Variants in SLC36A4 observed in about 807,000 individuals in gnomAD.
SLC36A4 encodes the protein neutral amino acid uniporter 4.
A neutral mutation model predicts 50.5 loss-of-function variants in SLC36A4; 49 were observed. The ratio of observed to expected loss-of-function variants is 0.97; its 90% CI spans 0.77 to 1.23. The LOEUF (loss-of-function observed/expected upper bound fraction) is 1.23, where lower values mean the gene tolerates loss of function less well. Among genes scored for constraint, SLC36A4 ranks in the 50% most tolerant of loss-of-function variants. SLC36A4 has a pLI of 0.00. For synonymous variants in SLC36A4, 207 were observed against 206.5 expected (o/e 1.00, Z -0.02); for missense variants, 611 against 608.4 (o/e 1.00, Z -0.05).
rs1182595456 is a variant in SLC36A4 at position 93,197,818 on chromosome 11, C to T, written c.15G>A (p.Ala5=). Residue 5 remains alanine, a synonymous_variant, in exon 1 of 11, where the codon GCG becomes GCA. Transcript: ENST00000326402. MEAA[A]TPAAAGAARR... is the part of the protein sequence containing the mutation. ...TCGCCGCCCCGGCAGCCGCCGGCGT[C>T]GCCGCCGCTTCCATCTCTCGCGGGT... 1.3e-6 allele frequency: 2 copies of T among 1,579,046 alleles called. No homozygotes were observed. The highest frequency in any genetic ancestry group is 3.4e-5 in the Admixed American group (2 of 59,182).
rs757568613 is a variant in SLC36A4 at position 93,182,830 on chromosome 11, C to A, written c.335G>T (p.Arg112Leu). 1.2e-6 allele frequency: 2 copies of A among 1,611,494 alleles called. No individual in the cohort carries two copies. Among genetic ancestry groups the A allele is most frequent in the Non-Finnish European group, 1.7e-6 (2 of 1,178,752 alleles). Residue 112 changes from arginine to leucine, a missense_variant, in exon 4 of 11, where the codon CGT becomes CTT. Arg to Leu is a moderately radical substitution (Grantham distance 102). Coordinates refer to ENST00000326402, the MANE Select transcript of SLC36A4 (RefSeq NM_152313.4). ...ISVHCMHILV[R>L]CSHFLCLRFK... ...CCTCAGACATAGAAAGTGACTGCAA[C>A]GTACCAATATGTGCATACAGTGAAC... is the stretch of plus-strand genomic sequence containing the variant.
chr11:93,146,831 T>A lies in SLC36A4; in HGVS notation c.*1706A>T, dbSNP rs574114561. On this transcript the variant is annotated 3_prime_UTR_variant, in exon 11 of 11. Coordinates refer to ENST00000326402, the MANE Select transcript of SLC36A4 (RefSeq NM_152313.4). ...TTTTCCCCACTAACTGAGAGATTCTTTATCTTGGTTAATAACTTGAAAAAT... is the reference window on the plus strand; with the variant it reads ...TTTTCCCCACTAACTGAGAGATTCTATATCTTGGTTAATAACTTGAAAAAT... The A allele has an allele frequency of 6.6e-6, 1 of 152,104 alleles. No individual in the cohort carries two copies. Among genetic ancestry groups the A allele is most frequent in the Admixed American group, 6.6e-5 (1 of 15,254 alleles). 9.4% of individuals were successfully genotyped at this position (152,104 alleles called of 1,614,324 possible).
Position 93,174,813 on chromosome 11 carries a change from C to T in SLC36A4, c.540+5984G>A, listed in dbSNP as rs201717775. Among the ~76,000 whole-genome samples the T allele has an allele frequency of 2.4e-5, 3 of 125,088 alleles. 1 individual carries two copies. Among genetic ancestry groups the T allele is most frequent in the South Asian group, 6.7e-4 (2 of 2,970 alleles). 82.1% of individuals were successfully genotyped at this position (125,088 alleles called of 152,430 possible). On this transcript the variant is annotated intron_variant, in intron 6 of 10. Transcript: ENST00000326402. The stretch of plus-strand genomic sequence containing the variant: ...GGGTTGAAGCCCACTTGATCATGGT[C>T]GATAAGCTTTTTGATGTGCTGCTGG...
At chr11:93,152,129 T>G (rs1860119545) in intron 10 of SLC36A4, 1 of 152,084 alleles carries the variant, frequency 6.6e-6, no homozygotes, top group South Asian at 2.1e-4. Context: ...TAAGGACTAA[T>G]ACAACAAACA....
At chr11:93,175,106 T>C (rs1384937323) in intron 6 of SLC36A4, among the ~76,000 whole-genome samples, 2 of 151,904 alleles carry the variant, frequency 1.3e-5, no homozygotes, top group African/African-American at 4.8e-5. Flanking sequence ...AAACTATTGA[T>C]TATTGCTACA....
At position 93,197,838 on chromosome 11, in the gene SLC36A4, G is replaced by T; in HGVS notation, c.-6C>A. 6.4e-7 allele frequency: 1 copy of T among 1,566,780 alleles called. No individual in the cohort carries two copies. Reference sequence around the variant, plus strand: ...GGCGTCGCCGCCGCTTCCATCTCTCGCGGGTCTCCAGGACGCCGCCGCCCG... The same window carrying T: ...GGCGTCGCCGCCGCTTCCATCTCTCTCGGGTCTCCAGGACGCCGCCGCCCG... On this transcript the variant is annotated 5_prime_UTR_variant, in exon 1 of 11. Transcript: ENST00000326402.
chr11:93,197,002 G>A (rs1309894138), intron 1 of SLC36A4, among the ~76,000 whole-genome samples: 1 of 152,188 alleles, frequency 6.6e-6, no homozygotes, highest in African/African-American at 2.4e-5. Context: ...GTGCCCTGCA[G>A]GCTATTAGAG....
In SLC36A4 at chr11:93,185,311, G is replaced by A. The variant is rs139519700; in HGVS notation, c.179+380C>T. 1,113 of 156,430 alleles carry A rather than the reference G, an allele frequency of 7.1e-3. 11 individuals are homozygous for A. Among genetic ancestry groups the A allele is most frequent in the African/African-American group, 0.025 (1,027 of 41,714 alleles). The allele number at this position is 156,430 out of a possible 1,614,324, so 9.7% of individuals were successfully genotyped here. ...TGAGAAGTTACTCAAATCTATTAAC[G>A]ATGACAAAATGTCAAAAAAGGTTTT... On this transcript the variant is annotated intron_variant, in intron 2 of 10. Coordinates refer to ENST00000326402, the MANE Select transcript of SLC36A4 (RefSeq NM_152313.4).
intron 6 of SLC36A4, among the ~76,000 whole-genome samples, chr11:93,177,875 G>A (rs1004073563): frequency 2.6e-5 from 4 of 152,130 alleles, no homozygotes; most frequent in African/African-American, 7.2e-5. Flanking sequence ...CTCTGCACTC[G>A]GAGAACCACT....
rs78317190 is a variant in SLC36A4, at chr11:93,154,039, A to G, written c.1207+69T>C. 4.6e-4 allele frequency: 334 copies of G among 722,402 alleles called. No homozygotes were observed. The African/African-American group carries it at 5.7e-3, about 12-fold the overall frequency. 44.7% of individuals were successfully genotyped at this position (722,402 alleles called of 1,614,324 possible). A position where few individuals can be genotyped will look rare whatever the true frequency, so the allele number is the denominator to read the frequency against. ...TGTAGCTTTCATTTTAAGAAATTACATCTTATATAGCTTTCAAGAAATTGA... is the reference window on the plus strand; with the variant it reads ...TGTAGCTTTCATTTTAAGAAATTACGTCTTATATAGCTTTCAAGAAATTGA... On this transcript the variant is annotated intron_variant, in intron 10 of 10. Transcript: ENST00000326402.
chr11:93,160,291 G>A, intron 9 of SLC36A4: 1 of 985,368 alleles, frequency 1.0e-6, no homozygotes, highest in Non-Finnish European at 1.2e-6. Flanking sequence ...TTCTCTAAAG[G>A]GAAATATGTG....
chr11:93,156,292 T>C (rs1161419008), intron 9 of SLC36A4, among the ~76,000 whole-genome samples: 1 of 152,142 alleles, frequency 6.6e-6, no homozygotes, highest in Non-Finnish European at 1.5e-5. Flanking sequence ...TGTGGGATGG[T>C]ATCACACTGT....
chr11:93,194,455 CTTT>C, intron 1 of SLC36A4, among the ~76,000 whole-genome samples: 1 of 152,094 alleles, frequency 6.6e-6, no homozygotes, highest in South Asian at 2.1e-4. Flanking sequence ...CAGCAAGAAA[CTTT>C]CCAGAGGTCC....
chr11:93,167,809 A>G (rs1316467404), intron 7 of SLC36A4, 135 bp downstream of exon 7: 5 of 609,002 alleles, frequency 8.2e-6, no homozygotes, highest in East Asian at 2.8e-5. Context: ...AAAGAAACCA[A>G]CATTTACTGA....
chr11:93,181,302 A>G (rs954454035), intron 5 of SLC36A4, among the ~76,000 whole-genome samples: 3 of 152,120 alleles, frequency 2.0e-5, no homozygotes, highest in Admixed American at 1.3e-4. Flanking sequence ...AAATACTACA[A>G]ATTTATTTGA....
rs774704096 is a variant in SLC36A4, at chr11:93,197,793, T to C, written c.40A>G (p.Arg14Gly). Reference sequence around the variant, plus strand: ...CAACACCGACCTAGCTCCTCGCGCCTCGCCGCCCCGGCAGCCGCCGGCGTC... The same window carrying C: ...CAACACCGACCTAGCTCCTCGCGCCCCGCCGCCCCGGCAGCCGCCGGCGTC... Reference protein sequence around the residue: ...AATPAAAGAARREELDMDVMR... With the variant: ...AATPAAAGAAGREELDMDVMR... Residue 14 changes from arginine (R) to glycine (G), a missense_variant, in exon 1 of 11, where the codon AGG becomes GGG. Coordinates refer to ENST00000326402, the MANE Select transcript of SLC36A4 (RefSeq NM_152313.4). The C allele has an allele frequency of 2.5e-6, 4 of 1,585,422 alleles. No homozygotes were observed. The highest frequency in any genetic ancestry group is 2.8e-5 in the African/African-American group (2 of 72,680).
At chr11:93,162,555 C>CT in intron 9 of SLC36A4, 151 bp downstream of exon 9, 2 of 620,296 alleles carry the variant, frequency 3.2e-6, no homozygotes, top group Non-Finnish European at 5.3e-6. Context: ...GTGATCCGCC[C>CT]ACCTCTGCCT....
chr11:93,172,004 T>G (rs1861162441), intron 6 of SLC36A4: 5 of 152,178 alleles, frequency 3.3e-5, no homozygotes, highest in Admixed American at 3.3e-4. Flanking sequence ...TTTCACTCTA[T>G]TCTGTAGTCA....
At position 93,162,818 on chromosome 11, in the gene SLC36A4, T is replaced by C; in HGVS notation, c.925A>G (p.Ile309Val). 6.2e-7 allele frequency: 1 copy of C among 1,613,842 alleles called. No homozygotes were observed. The highest frequency in any genetic ancestry group is 8.5e-7 in the Non-Finnish European group (1 of 1,179,912). The change falls in exon 9 of 11, where the codon ATT (isoleucine) becomes GTT (valine). Residue 309 changes from isoleucine to valine, a missense_variant. By Grantham distance (29) the Ile-to-Val change is conservative. Transcript: ENST00000326402. The part of the protein sequence containing the change: ...ESKRFPQALN[I>V]GMGIVTTLYV... The stretch of plus-strand genomic sequence containing the variant: ...AAAGTTGTAACAATCCCCATGCCAA[T>C]ATTCAACGCTTGAGGGAAACGCTTT...
Sources: gnomAD v4.1 joint callset for allele counts (sites outside exome capture counted in the v4.1 genomes callset) on GRCh38, gnomAD v4.1.1 for gene constraint, MANE v1.5 for transcripts, NCBI Gene and HGNC (gene_info 2026-07-23, HGNC 2026-07-21) for gene names.